Variants in HYCC1 observed in about 807,000 individuals in gnomAD.
The protein encoded by HYCC1 is hyccin.
the HYCC1 span, chr7:22,939,468 G>C: frequency 6.6e-6 from 1 of 151,992 alleles, no homozygotes; most frequent in Non-Finnish European, 1.5e-5. Context: ...GAAAAAAAAA[G>C]AGAAATCTTA....
the HYCC1 span, among the ~76,000 whole-genome samples, chr7:22,975,741 G>C: frequency 6.6e-6 from 1 of 152,126 alleles, no homozygotes; most frequent in African/African-American, 2.4e-5. Flanking sequence ...TTTTGAGACA[G>C]GGTCCTGCTC....
At chr7:22,953,517 A>G in the HYCC1 span, among the ~76,000 whole-genome samples, 1 of 151,948 alleles carries the variant, frequency 6.6e-6, no homozygotes, top group African/African-American at 2.4e-5. Context: ...ACCTGGAAAT[A>G]AAATGAGATT....
the HYCC1 span, chr7:22,960,348 C>T: frequency 2.5e-6 from 4 of 1,613,252 alleles, no homozygotes; most frequent in Non-Finnish European, 3.4e-6. Context: ...AACTTGAATA[C>T]ACCTTGTACC....
chr7:22,929,378 A>G, the HYCC1 span, among the ~76,000 whole-genome samples: 1 of 152,242 alleles, frequency 6.6e-6, no homozygotes. Context: ...GCACAGCAAA[A>G]GAAACCACCA....
At chr7:22,984,880 G>A in the HYCC1 span, among the ~76,000 whole-genome samples, 1 of 152,160 alleles carries the variant, frequency 6.6e-6, no homozygotes, top group African/African-American at 2.4e-5. Context: ...CAGACAACTA[G>A]TCACAGCTTG....
the HYCC1 span, among the ~76,000 whole-genome samples, chr7:22,915,688 G>T: frequency 6.6e-6 from 1 of 152,140 alleles, no homozygotes; most frequent in Non-Finnish European, 1.5e-5. Context: ...TAATACGGAG[G>T]CTACCTACTC....
chr7:22,946,025 A>G, the HYCC1 span: 5 of 1,613,422 alleles, frequency 3.1e-6, no homozygotes, highest in East Asian at 6.7e-5. Flanking sequence ...GTTCTTTCCT[A>G]TACTTGGCTT....
chr7:22,974,675 T>C, the HYCC1 span, among the ~76,000 whole-genome samples: 1 of 152,200 alleles, frequency 6.6e-6, no homozygotes, highest in Non-Finnish European at 1.5e-5. Flanking sequence ...TTTTGTTTAT[T>C]TTGTTTTCAT....
the HYCC1 span, among the ~76,000 whole-genome samples, chr7:22,964,687 TA>T: frequency 6.6e-6 from 1 of 152,222 alleles, no homozygotes; most frequent in Non-Finnish European, 1.5e-5. Flanking sequence ...TTGTCTGTAA[TA>T]CATTCCTGAG....
chr7:22,956,401 T>C, the HYCC1 span, among the ~76,000 whole-genome samples: 1 of 151,862 alleles, frequency 6.6e-6, no homozygotes. Context: ...GTCATTAGAA[T>C]TTTCTCAAAG....
At chr7:22,898,818 G>T in the HYCC1 span, among the ~76,000 whole-genome samples, 1 of 151,862 alleles carries the variant, frequency 6.6e-6, no homozygotes, top group Admixed American at 6.6e-5. Context: ...GGCCAGGCCG[G>T]TCTCAAACTC....
chr7:22,949,022 T>C, the HYCC1 span, among the ~76,000 whole-genome samples: 1 of 152,024 alleles, frequency 6.6e-6, no homozygotes, highest in African/African-American at 2.4e-5. Context: ...TTGTGGAAGC[T>C]GTTTCACAAA....
At chr7:23,005,990 C>T in the HYCC1 span, among the ~76,000 whole-genome samples, 3 of 152,090 alleles carry the variant, frequency 2.0e-5, no homozygotes, top group Non-Finnish European at 4.4e-5. Context: ...TACACTGCTG[C>T]GGGGGCTATT....
At chr7:22,939,645 G>T in the HYCC1 span, 10 of 152,138 alleles carry the variant, frequency 6.6e-5, no homozygotes, top group Admixed American at 3.3e-4. Context: ...TGGGGTGAGT[G>T]AATTTTAAAT....
At chr7:22,978,714 A>C in the HYCC1 span, among the ~76,000 whole-genome samples, 1 of 152,148 alleles carries the variant, frequency 6.6e-6, no homozygotes, top group South Asian at 2.1e-4. Context: ...CTGAGTTTAT[A>C]ATTTGACAGC....
chr7:22,919,478 G>A, the HYCC1 span, among the ~76,000 whole-genome samples: 3 of 151,296 alleles, frequency 2.0e-5, no homozygotes, highest in East Asian at 1.9e-4. Flanking sequence ...GTAGTGAGCC[G>A]AGATCACACC....
the HYCC1 span, among the ~76,000 whole-genome samples, chr7:22,922,326 T>C: frequency 6.6e-6 from 1 of 152,202 alleles, no homozygotes; most frequent in Non-Finnish European, 1.5e-5. Context: ...CAATTTACGA[T>C]AGGGTTATGT....
the HYCC1 span, among the ~76,000 whole-genome samples, chr7:22,917,884 C>G: frequency 6.6e-6 from 1 of 152,294 alleles, no homozygotes; most frequent in Admixed American, 6.5e-5. Flanking sequence ...TATTCTCGTT[C>G]CCATTCTTAT....
chr7:22,995,807 A>G, the HYCC1 span, among the ~76,000 whole-genome samples: 20 of 152,262 alleles, frequency 1.3e-4, no homozygotes, highest in African/African-American at 4.3e-4. Context: ...TTCACTTGCA[A>G]AAAAAGAGAG....
Sources: allele counts gnomAD v4.1 joint callset (sites outside exome capture counted in the v4.1 genomes callset), GRCh38; gene constraint gnomAD v4.1.1; transcripts MANE v1.5; gene names NCBI Gene and HGNC (gene_info 2026-07-23, HGNC 2026-07-21).